The following AGO2 variants were observed in gnomAD, a reference collection of about 807,000 sequenced individuals.
AGO2 encodes the protein argonaute RISC catalytic component 2, also known as protein argonaute-2.
AGO2 carries 5 observed loss-of-function variants against 102.3 expected under a neutral mutation model. The observed-to-expected ratio is 0.05, with a 90% confidence interval of 0.03 to 0.10. The LOEUF (loss-of-function observed/expected upper bound fraction) is 0.10, where lower values mean the gene tolerates loss of function less well. AGO2 is among the 10% of genes least tolerant of loss of function. AGO2 has a pLI of 1.00. For missense variants in AGO2, 541 were observed against 1,183.7 expected (o/e 0.46, Z 7.97); for synonymous variants, 449 against 473.1 (o/e 0.95, Z 0.66).
Position 140,585,283 on chromosome 8 carries a change from G to A in AGO2, c.51C>T (p.Pro17=), listed in dbSNP as rs750147617. ...PALAPPAPPP[P]IQGYAFKPPP... ...GAGGCTTGAAGGCATATCCTTGGAT[G>A]GGGGGCGGCGGCGCAGGAGGTGCAA... The change falls in exon 2 of 19, where the codon CCC becomes CCT. Residue 17 remains proline, a synonymous_variant. Coordinates refer to ENST00000220592, the MANE Select transcript of AGO2 (RefSeq NM_012154.5). 32 of 1,613,904 alleles carry A rather than the reference G, an allele frequency of 2.0e-5. 1 individual carries two copies. The South Asian group carries it at 3.0e-4, about 15-fold the overall frequency.
intron 1 of AGO2, among the ~76,000 whole-genome samples, chr8:140,604,987 G>A (rs1398335445): frequency 1.3e-5 from 2 of 152,070 alleles, no homozygotes; most frequent in African/African-American, 2.4e-5. Context: ...CTGCATAAAC[G>A]TGCACTATGT....
intron 4 of AGO2, among the ~76,000 whole-genome samples, chr8:140,561,941 C>T (rs540319425): frequency 1.1e-3 from 161 of 152,390 alleles, no homozygotes; most frequent in Non-Finnish European, 6.6e-4. Flanking sequence ...CTCTGCCCAG[C>T]AACCGGGCAG....
intron 10 of AGO2, among the ~76,000 whole-genome samples, chr8:140,553,347 G>A (rs2073035275): frequency 6.6e-6 from 1 of 151,960 alleles, no homozygotes; most frequent in Non-Finnish European, 1.5e-5. Flanking sequence ...CCGCGTCACT[G>A]CACTGGAGCC....
chr8:140,552,845 C>A (rs1799993760), intron 10 of AGO2, among the ~76,000 whole-genome samples: 1 of 152,200 alleles, frequency 6.6e-6, no homozygotes, highest in African/African-American at 2.4e-5. Flanking sequence ...TGTTACGGGG[C>A]TGTCCTGTGC....
In AGO2 at chr8:140,532,630, A is replaced by G; in HGVS notation, c.2272-15T>C. On this transcript the variant is annotated splice_polypyrimidine_tract_variant and intron_variant, in intron 17 of 18. Transcript: ENST00000220592. Reference sequence around the variant, plus strand: ...CTGCTTGTCCCCTAAAGCAGATCAGAAGATTAGACAGTTGGACTCGCATAA... The same window carrying G: ...CTGCTTGTCCCCTAAAGCAGATCAGGAGATTAGACAGTTGGACTCGCATAA... 1 of 1,612,482 alleles carries G rather than the reference A, an allele frequency of 6.2e-7. No individual in the cohort carries two copies. Among genetic ancestry groups the G allele is most frequent in the Non-Finnish European group, 8.5e-7 (1 of 1,178,588 alleles).
intron 1 of AGO2, among the ~76,000 whole-genome samples, chr8:140,615,116 T>C (rs1053284133): frequency 6.6e-5 from 10 of 152,216 alleles, no homozygotes; most frequent in Middle Eastern, 3.2e-3. Context: ...GCTGGTGCAG[T>C]GACTCATGTC....
intron 1 of AGO2, among the ~76,000 whole-genome samples, chr8:140,620,556 A>T (rs775317615): frequency 9.9e-5 from 15 of 152,192 alleles, no homozygotes; most frequent in Admixed American, 9.8e-4. Flanking sequence ...TTTTTCCACA[A>T]TAAAAAGCCC....
intron 1 of AGO2, among the ~76,000 whole-genome samples, chr8:140,611,558 C>A (rs544279925): frequency 4.6e-5 from 7 of 152,016 alleles, no homozygotes; most frequent in Non-Finnish European, 1.0e-4. Flanking sequence ...AAACTCCTGA[C>A]CTCAGGTGAT....
In AGO2 at chr8:140,540,830, G is replaced by A. The variant is rs1564075191; in HGVS notation, c.2034+334C>T. Among the ~76,000 whole-genome samples the A allele has an allele frequency of 6.6e-6, 1 of 152,122 alleles. No homozygotes were observed. Among genetic ancestry groups the A allele is most frequent in the African/African-American group, 2.4e-5 (1 of 41,418 alleles). ...GACACCCGACAGCTCTCCACAGCCTGCAAGGCAAAGCCAGGCCCTCGGGAA... is the reference window on the plus strand; with the variant it reads ...GACACCCGACAGCTCTCCACAGCCTACAAGGCAAAGCCAGGCCCTCGGGAA... On this transcript the variant is annotated intron_variant, in intron 15 of 18. Coordinates refer to ENST00000220592, the MANE Select transcript of AGO2 (RefSeq NM_012154.5). This position sits in a 1 kb window ranked among gnomAD's most constrained non-coding sequence, Gnocchi z 5.0.
chr8:140,526,374 G>C lies in AGO2; in HGVS notation c.*5670C>G, dbSNP rs997037735. The C allele has an allele frequency of 6.6e-6, 1 of 152,192 alleles. No homozygotes were observed. Among genetic ancestry groups the C allele is most frequent in the African/African-American group, 2.4e-5 (1 of 41,434 alleles). 9.4% of individuals were successfully genotyped at this position (152,192 alleles called of 1,614,324 possible). On this transcript the variant is annotated 3_prime_UTR_variant, in exon 19 of 19. Coordinates refer to ENST00000220592, the MANE Select transcript of AGO2 (RefSeq NM_012154.5). The surrounding 1 kb of genome is among the most constrained non-coding windows in gnomAD (Gnocchi z 5.2). ...CTGAAGGATGGCATGCCGTTATGCC[G>C]TCCCGTGCAGAGAACCCTCCCATGC...
intron 10 of AGO2, among the ~76,000 whole-genome samples, chr8:140,551,806 A>G (rs1477688319): frequency 7.2e-6 from 1 of 138,644 alleles, no homozygotes; most frequent in Non-Finnish European, 1.6e-5. Context: ...TGATGGGTGG[A>G]TAAAGTGGGT....
intron 1 of AGO2, among the ~76,000 whole-genome samples, chr8:140,621,086 C>T (rs1373083758): frequency 1.3e-5 from 2 of 152,148 alleles, no homozygotes; most frequent in Non-Finnish European, 2.9e-5. Context: ...GCAGCCTCTC[C>T]CTCACGCCAC....
chr8:140,601,316 G>A (rs1483037041), intron 1 of AGO2, among the ~76,000 whole-genome samples: 2 of 152,176 alleles, frequency 1.3e-5, no homozygotes, highest in African/African-American at 2.4e-5. Flanking sequence ...CTTAGAGACT[G>A]CTGACTGGCT....
At chr8:140,620,977 G>C (rs2074210351) in intron 1 of AGO2, among the ~76,000 whole-genome samples, 2 of 152,158 alleles carry the variant, frequency 1.3e-5, no homozygotes, top group Admixed American at 6.5e-5. Context: ...GCAATGGCAT[G>C]ATCACAGCTC....
chr8:140,541,548 T>C (rs2072798754), intron 14 of AGO2, 190 bp from the exon 15 acceptor site: 1 of 547,210 alleles, frequency 1.8e-6, no homozygotes. Context: ...ATAGTGTTCG[T>C]AAATACGTAC....
chr8:140,537,212 G>C (rs917582672), intron 16 of AGO2, among the ~76,000 whole-genome samples: 1 of 152,064 alleles, frequency 6.6e-6, no homozygotes, highest in Non-Finnish European at 1.5e-5. Context: ...TGTCCTGGTA[G>C]AACTTTTATA....
Position 140,567,876 on chromosome 8 carries a change from G to A in AGO2, c.336+4936C>T, listed in dbSNP as rs185168805. 2.7e-3 allele frequency among the ~76,000 whole-genome samples: 417 copies of A among 152,282 alleles called. 3 individuals are homozygous for A. Among genetic ancestry groups the A allele is most frequent in the African/African-American group, 9.5e-3 (394 of 41,570 alleles). ...CCTGGGGCTCACGCCTGTAATCCCA[G>A]TACCGTGGGAGGCCGAGGCGGGCTG... On this transcript the variant is annotated intron_variant, in intron 3 of 18. Coordinates refer to ENST00000220592, the MANE Select transcript of AGO2 (RefSeq NM_012154.5). The surrounding 1 kb of genome is among the most constrained non-coding windows in gnomAD (Gnocchi z 5.0).
Position 140,567,354 on chromosome 8 carries a change from G to A in AGO2, c.337-4720C>T, listed in dbSNP as rs945200893. On this transcript the variant is annotated intron_variant, in intron 3 of 18. Transcript: ENST00000220592. The surrounding 1 kb of genome is among the most constrained non-coding windows in gnomAD (Gnocchi z 5.0). ...CATGGCTCTCCAAGGGACAGGCACC[G>A]TGTGCGTCTGGGCTGCCAGCAGCAG... 1.3e-5 allele frequency among the ~76,000 whole-genome samples: 2 copies of A among 152,244 alleles called. No homozygotes were observed. Among genetic ancestry groups the A allele is most frequent in the Non-Finnish European group, 2.9e-5 (2 of 68,044 alleles).
intron 14 of AGO2, among the ~76,000 whole-genome samples, chr8:140,542,466 G>C (rs913564872): frequency 6.6e-6 from 1 of 151,324 alleles, no homozygotes; most frequent in Non-Finnish European, 1.5e-5. Context: ...AATGTTTCCA[G>C]TTGGTATAAA....
Sources: gnomAD v4.1 joint callset for allele counts (sites outside exome capture counted in the v4.1 genomes callset) on GRCh38, gnomAD v4.1.1 for gene constraint, Gnocchi (gnomAD v3.1) non-coding constraint, MANE v1.5 for transcripts, NCBI Gene and HGNC (gene_info 2026-07-23, HGNC 2026-07-21) for gene names.